ZNF236: variants seen among roughly 807,000 people sequenced by gnomAD.
The protein encoded by ZNF236 is regulated by glucose.
In ZNF236, 50 loss-of-function variants were observed where a neutral mutation model predicts 191.2. That is an observed-to-expected ratio of 0.26 (90% CI 0.21 to 0.33). ZNF236 has a LOEUF of 0.33. Ranked by LOEUF, ZNF236 falls within the 10% of genes least tolerant of loss-of-function variation. The probability of loss-of-function intolerance (pLI) is 1.00; values close to 1 mark genes in which losing one functional copy is unlikely to be tolerated. For missense variants in ZNF236, 1,754 were observed against 2,374.5 expected, an observed-to-expected ratio of 0.74 and a Z score of 5.43; for synonymous variants, 907 against 928.8, an observed-to-expected ratio of 0.98 and a Z score of 0.43.
intron 30 of ZNF236, among the ~76,000 whole-genome samples, chr18:76,966,028 G>C (rs980107769): frequency 6.6e-6 from 1 of 152,206 alleles, no homozygotes; most frequent in African/African-American, 2.4e-5. Context: ...AGGCGTGTCT[G>C]AGCTCAGACT....
Position 76,927,504 on chromosome 18 carries a change from C to T in ZNF236, c.4401C>T (p.Thr1467=). 1.2e-6 allele frequency: 2 copies of T among 1,613,934 alleles called. No individual in the cohort carries two copies. Among genetic ancestry groups the T allele is most frequent in the Non-Finnish European group, 8.5e-7 (1 of 1,179,980 alleles). The change falls in exon 24 of 31, where the codon ACC becomes ACT. Residue 1467 remains threonine, a synonymous_variant. Coordinates refer to ENST00000320610, the MANE Select transcript of ZNF236 (RefSeq NM_001306089.2). The surrounding 1 kb of genome is among the most constrained non-coding windows in gnomAD (Gnocchi z 5.4). Reference sequence around the variant, plus strand: ...TGTCTGAGCAGGATTCAGTGCTGACCACTAACAGCAGTGGTAAGAGCCACT... The same window carrying T: ...TGTCTGAGCAGGATTCAGTGCTGACTACTAACAGCAGTGGTAAGAGCCACT... ...GPLSEQDSVL[T]TNSSGTQDLT...
intron 13 of ZNF236, 55 bp downstream of exon 13, chr18:76,905,470 G>C (rs1301411551): frequency 6.4e-7 from 1 of 1,561,972 alleles, no homozygotes; most frequent in Non-Finnish European, 8.7e-7. Context: ...CCAGTAGATG[G>C]TGGGGAGTGT....
chr18:76,827,563 A>G (rs1424984094), intron 1 of ZNF236, among the ~76,000 whole-genome samples: 2 of 152,258 alleles, frequency 1.3e-5, no homozygotes, highest in Non-Finnish European at 2.9e-5. Flanking sequence ...AACAAGAGAC[A>G]TGATCTCTAG....
At position 76,880,379 on chromosome 18, in the gene ZNF236, G is replaced by A; in HGVS notation, c.1188+63G>A. The stretch of plus-strand genomic sequence containing the variant: ...TCGTGCTGGGTCAGAAACCAGGGAT[G>A]ATAATTGAGAATAAATCTGCAGGGC... On this transcript the variant is annotated intron_variant, in intron 8 of 30. Coordinates refer to ENST00000320610, the MANE Select transcript of ZNF236 (RefSeq NM_001306089.2). The surrounding 1 kb of genome is among the most constrained non-coding windows in gnomAD (Gnocchi z 5.0). 8 of 1,477,924 alleles carry A rather than the reference G, an allele frequency of 5.4e-6. No individual in the cohort carries two copies. Among genetic ancestry groups the A allele is most frequent in the Non-Finnish European group, 9.1e-7 (1 of 1,097,218 alleles). 91.6% of individuals were successfully genotyped at this position (1,477,924 alleles called of 1,614,324 possible).
chr18:76,933,028 G>T (rs1044776553), intron 25 of ZNF236, among the ~76,000 whole-genome samples: 35 of 152,308 alleles, frequency 2.3e-4, no homozygotes, highest in African/African-American at 8.4e-4. Context: ...CTCAGGTGAG[G>T]GTCCTTTCAG....
At chr18:76,895,486 G>T in intron 10 of ZNF236, 1 of 718,192 alleles carries the variant, frequency 1.4e-6, no homozygotes, top group Non-Finnish European at 2.3e-6. Context: ...CACCGGTACT[G>T]CCCACAGGGA....
Position 76,871,671 on chromosome 18 carries a change from T to G in ZNF236, c.543-30T>G, listed in dbSNP as rs762242910. The G allele has an allele frequency of 3.1e-6, 5 of 1,613,326 alleles. No homozygotes were observed. The Admixed American group carries it at 5.0e-5, about 16-fold the overall frequency. ...TTATGGTACAAGGGAGACATCTTAC[T>G]GTGTATTTTGCCCCCCTTTATTACA... On this transcript the variant is annotated intron_variant, in intron 4 of 30. Transcript: ENST00000320610.
chr18:76,915,122 A>G (rs1415773169), intron 18 of ZNF236, among the ~76,000 whole-genome samples: 1 of 152,182 alleles, frequency 6.6e-6, no homozygotes, highest in Non-Finnish European at 1.5e-5. Flanking sequence ...GAAAATAGCT[A>G]GTTACTTGGT....
chr18:76,943,180 G>A (rs1968180480), intron 26 of ZNF236, among the ~76,000 whole-genome samples: 1 of 151,062 alleles, frequency 6.6e-6, no homozygotes, highest in African/African-American at 2.4e-5. Context: ...AAAAAATTTG[G>A]AATATATATG....
chr18:76,922,435 G>C (rs745344918), intron 20 of ZNF236, among the ~76,000 whole-genome samples: 3 of 152,066 alleles, frequency 2.0e-5, no homozygotes, highest in Non-Finnish European at 4.4e-5. Context: ...TTTGCATATG[G>C]TTTTTGGCTG....
At chr18:76,872,813 A>G (rs1422509751) in intron 5 of ZNF236, among the ~76,000 whole-genome samples, 2 of 152,110 alleles carry the variant, frequency 1.3e-5, no homozygotes, top group African/African-American at 2.4e-5. Flanking sequence ...TTTCTTCTGT[A>G]TTTCTTGATT....
At chr18:76,934,244 A>C (rs1472655877) in intron 25 of ZNF236, among the ~76,000 whole-genome samples, 1 of 152,238 alleles carries the variant, frequency 6.6e-6, no homozygotes, top group Non-Finnish European at 1.5e-5. Flanking sequence ...CACATGCAGG[A>C]CAAAAGCACA....
At chr18:76,922,311 C>T (rs180855081) in intron 20 of ZNF236, among the ~76,000 whole-genome samples, 166 of 152,296 alleles carry the variant, frequency 1.1e-3, no homozygotes, top group African/African-American at 3.6e-3. Context: ...CCGTGTGCCT[C>T]TGTCTTTCAG....
chr18:76,849,131 CTTAAAGTGATTTGGAGG>C (rs1266985096), intron 1 of ZNF236: 2 of 156,714 alleles, frequency 1.3e-5, no homozygotes, highest in Non-Finnish European at 2.8e-5. Context: ...TTGATGAAAT[CTTAAAGTGATTTGGAGG>C]TGAAATGCGT....
chr18:76,925,460 T>C lies in ZNF236; in HGVS notation c.3933T>C (p.Phe1311=). The C allele has an allele frequency of 6.2e-7, 1 of 1,614,224 alleles. No homozygotes were observed. The highest frequency in any genetic ancestry group is 1.3e-5 in the African/African-American group (1 of 75,050). The change falls in exon 22 of 31, where the codon TTT becomes TTC. Residue 1311 remains phenylalanine, a synonymous_variant. Transcript: ENST00000320610. The surrounding 1 kb of genome is among the most constrained non-coding windows in gnomAD (Gnocchi z 5.7). ...CCTCCTCTACTGACCCAAACGTGTT[T>C]ATCATGAACAACTCTGTTCTAACAG... The part of the protein sequence containing the change: ...LNSSSTDPNV[F]IMNNSVLTGQ...
intron 26 of ZNF236, among the ~76,000 whole-genome samples, chr18:76,944,137 G>A (rs1968202959): frequency 6.6e-6 from 1 of 152,144 alleles, no homozygotes; most frequent in South Asian, 2.1e-4. Context: ...TCATGGGTGG[G>A]GCTGGCGTCT....
chr18:76,947,802 A>G (rs1468915903), intron 27 of ZNF236, 150 bp downstream of exon 27: 4 of 865,614 alleles, frequency 4.6e-6, no homozygotes, highest in Admixed American at 6.2e-5. Context: ...TCCTGAGTGG[A>G]CATAGGCCCT....
At chr18:76,897,131 G>A (rs916435837) in intron 10 of ZNF236, among the ~76,000 whole-genome samples, 5 of 150,516 alleles carry the variant, frequency 3.3e-5, no homozygotes, top group Non-Finnish European at 5.9e-5. Context: ...CTGCACTTAG[G>A]TACCAAACAC....
At chr18:76,891,115 T>G (rs1977218582) in intron 9 of ZNF236, among the ~76,000 whole-genome samples, 1 of 152,196 alleles carries the variant, frequency 6.6e-6, no homozygotes, top group Admixed American at 6.5e-5. Flanking sequence ...CAGTTAAGTT[T>G]TTGGGGTATC....
Sources: allele counts gnomAD v4.1 joint callset (sites outside exome capture counted in the v4.1 genomes callset), GRCh38; gene constraint gnomAD v4.1.1; non-coding constraint Gnocchi (gnomAD v3.1); transcripts MANE v1.5; gene names NCBI Gene and HGNC (gene_info 2026-07-23, HGNC 2026-07-21).